The following ITGA9 variants were observed in gnomAD, a reference collection of about 807,000 sequenced individuals.
ITGA9 encodes the protein integrin subunit alpha 9.
Under a neutral mutation model 127.8 loss-of-function variants are expected in ITGA9, and 56 were observed. The ratio of observed to expected loss-of-function variants is 0.44; its 90% CI spans 0.35 to 0.55. The LOEUF (loss-of-function observed/expected upper bound fraction) is 0.55. Ranked by LOEUF, ITGA9 falls within the 20% of genes least tolerant of loss-of-function variation. The probability of loss-of-function intolerance (pLI) is 0.00; values close to 1 mark genes in which losing one functional copy is unlikely to be tolerated. For missense variants in ITGA9, 1,196 were observed against 1,347.1 expected (o/e 0.89, Z 1.76); for synonymous variants, 508 against 514.5 (o/e 0.99, Z 0.17).
chr3:37,684,774 A>C (rs1339210976), intron 18 of ITGA9, among the ~76,000 whole-genome samples: 1 of 152,164 alleles, frequency 6.6e-6, no homozygotes, highest in Non-Finnish European at 1.5e-5. Context: ...TGGCCTTCCT[A>C]ACATATTTGA....
chr3:37,777,113 C>T (rs1391517890), intron 23 of ITGA9, among the ~76,000 whole-genome samples: 2 of 152,192 alleles, frequency 1.3e-5, no homozygotes, highest in Non-Finnish European at 2.9e-5. Context: ...GCTTATTTTA[C>T]TCCTTAAGTC....
At chr3:37,552,127 C>T (rs1699384166) in intron 15 of ITGA9, among the ~76,000 whole-genome samples, 2 of 152,220 alleles carry the variant, frequency 1.3e-5, no homozygotes, top group Admixed American at 6.5e-5. Context: ...AAGCAGATCG[C>T]TACAGCTGGA....
chr3:37,761,710 G>A (rs924291652), intron 23 of ITGA9, among the ~76,000 whole-genome samples: 1 of 152,224 alleles, frequency 6.6e-6, no homozygotes, highest in Non-Finnish European at 1.5e-5. Context: ...GGGGTTCACT[G>A]TGAAATAGGA....
At chr3:37,493,093 C>T (rs564417277) in intron 4 of ITGA9, among the ~76,000 whole-genome samples, 2 of 152,260 alleles carry the variant, frequency 1.3e-5, no homozygotes, top group African/African-American at 2.4e-5. Flanking sequence ...TGATTTTATC[C>T]TGCATGGAAG....
At chr3:37,748,319 A>G in intron 22 of ITGA9, 4 of 566,716 alleles carry the variant, frequency 7.1e-6, no homozygotes, top group South Asian at 5.8e-5. Context: ...GTTACCCAGC[A>G]TGCTGTTGGC....
intron 16 of ITGA9, among the ~76,000 whole-genome samples, chr3:37,637,929 T>C (rs1700296410): frequency 6.6e-6 from 1 of 152,152 alleles, no homozygotes; most frequent in Non-Finnish European, 1.5e-5. Context: ...CGCCTTGACC[T>C]CCCAAAGTGT....
At chr3:37,530,614 G>A (rs1699140235) in intron 13 of ITGA9, among the ~76,000 whole-genome samples, 1 of 151,378 alleles carries the variant, frequency 6.6e-6, no homozygotes, top group Non-Finnish European at 1.5e-5. Context: ...GGCACCTTGA[G>A]CAACATGTCA....
intron 17 of ITGA9, among the ~76,000 whole-genome samples, chr3:37,666,520 G>A (rs940795487): frequency 1.3e-5 from 2 of 152,144 alleles, no homozygotes; most frequent in Non-Finnish European, 2.9e-5. Context: ...TTGGTTGGGT[G>A]CCTGGCTGTT....
intron 5 of ITGA9, among the ~76,000 whole-genome samples, chr3:37,497,676 A>G (rs1396232239): frequency 6.6e-6 from 1 of 152,242 alleles, no homozygotes; most frequent in Non-Finnish European, 1.5e-5. Flanking sequence ...TTGAAATGCC[A>G]TCCTGCCGTG....
intron 15 of ITGA9, among the ~76,000 whole-genome samples, chr3:37,565,765 C>CT (rs1206914533): frequency 1.3e-5 from 2 of 152,212 alleles, no homozygotes; most frequent in African/African-American, 2.4e-5. Flanking sequence ...TTCTGTACCT[C>CT]TGAGGTGGAC....
intron 26 of ITGA9, among the ~76,000 whole-genome samples, chr3:37,796,462 G>C (rs1469783867): frequency 6.6e-6 from 1 of 151,076 alleles, no homozygotes; most frequent in Non-Finnish European, 1.5e-5. Flanking sequence ...ACATTTGTTG[G>C]TTGGTTGGAT....
intron 26 of ITGA9, among the ~76,000 whole-genome samples, chr3:37,787,953 T>C (rs760240221): frequency 2.0e-5 from 3 of 152,366 alleles, no homozygotes; most frequent in Non-Finnish European, 4.4e-5. Context: ...TTTCCTGTGA[T>C]CTTTTTTAAT....
chr3:37,593,533 C>T (rs1389038484), intron 15 of ITGA9, among the ~76,000 whole-genome samples: 1 of 152,170 alleles, frequency 6.6e-6, no homozygotes, highest in African/African-American at 2.4e-5. Flanking sequence ...AGACGGCCAC[C>T]TTCGTGCTAT....
At chr3:37,468,214 C>A (rs745652215) in intron 1 of ITGA9, among the ~76,000 whole-genome samples, 5 of 151,974 alleles carry the variant, frequency 3.3e-5, no homozygotes, top group Non-Finnish European at 7.4e-5. Flanking sequence ...CGCAGGGCAG[C>A]CTGGGTACCT....
At chr3:37,498,925 G>A (rs1454900400) in intron 5 of ITGA9, among the ~76,000 whole-genome samples, 1 of 152,222 alleles carries the variant, frequency 6.6e-6, no homozygotes, top group East Asian at 1.9e-4. Flanking sequence ...CTGCCCTCTT[G>A]CTGACCTCGC....
chr3:37,819,172 C>A lies in ITGA9; in HGVS notation c.*183C>A. 1 of 635,598 alleles carries A rather than the reference C, an allele frequency of 1.6e-6. No individual in the cohort carries two copies. 39.4% of individuals were successfully genotyped at this position (635,598 alleles called of 1,614,324 possible). A position where few individuals can be genotyped will look rare whatever the true frequency, so the allele number is the denominator to read the frequency against. ...AGCCACTTCGGCCAGGTCACACGAC[C>A]GGGGCCAGCACCACTTCCTTTAAAG... On this transcript the variant is annotated 3_prime_UTR_variant, in exon 28 of 28. Coordinates refer to ENST00000264741, the MANE Select transcript of ITGA9 (RefSeq NM_002207.3).
At position 37,542,580 on chromosome 3, in the gene ITGA9, G is replaced by A. The variant is rs1315412937; in HGVS notation, c.1684G>A (p.Val562Met). 1 of 1,614,066 alleles carries A rather than the reference G, an allele frequency of 6.2e-7. No homozygotes were observed. The highest frequency in any genetic ancestry group is 1.7e-5 in the Admixed American group (1 of 60,010). ...GACGTGTCGTCACTATGTGGCCCAT[G>A]TGAAGGTCAGTCCTCTCCTCCTTTT... is the stretch of plus-strand genomic sequence containing the variant. ...EETCRHYVAH[V>M]KRRVQDVISP... Residue 562 changes from valine to methionine, a missense_variant, in exon 15 of 28, where the codon GTG (valine) becomes ATG (methionine). By Grantham distance (21) the Val-to-Met change is conservative. Coordinates refer to ENST00000264741, the MANE Select transcript of ITGA9 (RefSeq NM_002207.3).
chr3:37,453,256 T>A (rs557937926), intron 1 of ITGA9, among the ~76,000 whole-genome samples: 1 of 152,298 alleles, frequency 6.6e-6, no homozygotes, highest in Non-Finnish European at 1.5e-5. Flanking sequence ...TGGGAGAGCC[T>A]GAGTCTCATC....
intron 15 of ITGA9, among the ~76,000 whole-genome samples, chr3:37,593,171 A>C (rs1413070888): frequency 3.9e-5 from 6 of 152,230 alleles, no homozygotes; most frequent in Non-Finnish European, 8.8e-5. Flanking sequence ...TCCCTGATAT[A>C]AGGTGGCATC....
Sources: allele counts gnomAD v4.1 joint callset (sites outside exome capture counted in the v4.1 genomes callset), GRCh38; gene constraint gnomAD v4.1.1; transcripts MANE v1.5; gene names NCBI Gene and HGNC (gene_info 2026-07-23, HGNC 2026-07-21).